The following ZNF300 variants were observed in gnomAD, a reference collection of about 807,000 sequenced individuals.
ZNF300 encodes zinc finger protein 300.
In ZNF300, 6 loss-of-function variants were observed where a neutral mutation model predicts 13.9. That is an observed-to-expected ratio of 0.43 (90% CI 0.24 to 0.85). The LOEUF is 0.85. Among genes scored for constraint, ZNF300 ranks in the 40% least tolerant of loss-of-function variants. The pLI, the probability that ZNF300 is intolerant of heterozygous loss-of-function variation, is 0.25. For synonymous variants in ZNF300, 237 were observed against 242.2 expected, an observed-to-expected ratio of 0.98 and a Z score of 0.20; for missense variants, 662 against 714.2, an observed-to-expected ratio of 0.93 and a Z score of 0.83.
chr5:150,895,910 C>T lies in ZNF300; in HGVS notation c.1329G>A (p.Glu443=), dbSNP rs1384265200. 2 of 1,613,250 alleles carry T rather than the reference C, an allele frequency of 1.2e-6. No homozygotes were observed. The highest frequency in any genetic ancestry group is 4.5e-5 in the East Asian group (2 of 44,800). ...GTTCTGTCTTCCTGCTGAAGGCTTC[C>T]TCACATTGAGCACATTTGTAGGGTT... ...GEKPYKCAQC[E]EAFSRKTELI... is the part of the protein sequence containing the mutation. The change falls in exon 6 of 6, where the codon GAG becomes GAA. Residue 443 remains glutamate (E), a synonymous_variant. Coordinates refer to ENST00000274599, the MANE Select transcript of ZNF300 (RefSeq NM_052860.4).
Position 150,896,573 on chromosome 5 carries a change from A to G in ZNF300, c.666T>C (p.Ser222=). 1 of 1,613,764 alleles carries G rather than the reference A, an allele frequency of 6.2e-7. No homozygotes were observed. The highest frequency in any genetic ancestry group is 8.5e-7 in the Non-Finnish European group (1 of 1,179,844). The change falls in exon 6 of 6, where the codon TCT becomes TCC. Residue 222 remains serine, a synonymous_variant. Coordinates refer to ENST00000274599, the MANE Select transcript of ZNF300 (RefSeq NM_052860.4). The part of the protein sequence containing the change: ...PDQSFGGGKS[S]SQSEPNSNLE... ...GATTAGAATTGGGCTCACTCTGGCT[A>G]GATGATTTTCCACCTCCAAAACTCT...
chr5:150,895,457 T>C lies in ZNF300; in HGVS notation c.1782A>G (p.Val594=). ...TTACCACTGTGTGAATTCTCTGGTG[T>C]ACAGTTAGTTGTGACTTCTGGATGA... ...KAFIQKSQLT[V]HQRIHTVVKS The change falls in exon 6 of 6, where the codon GTA becomes GTG. Residue 594 remains valine, a synonymous_variant. Coordinates refer to ENST00000274599, the MANE Select transcript of ZNF300 (RefSeq NM_052860.4). 1 of 1,611,318 alleles carries C rather than the reference T, an allele frequency of 6.2e-7. No homozygotes were observed. Among genetic ancestry groups the C allele is most frequent in the Non-Finnish European group, 8.5e-7 (1 of 1,178,288 alleles).
chr5:150,896,421 G>T lies in ZNF300; in HGVS notation c.818C>A (p.Thr273Lys), dbSNP rs1043351906. 6.2e-7 allele frequency: 1 copy of T among 1,613,598 alleles called. No homozygotes were observed. ...CTTCTTAGCAAAGGCTTTTCCACATGTAACACATACACAGCTTTTCTCTTT... is the reference window on the plus strand; with the variant it reads ...CTTCTTAGCAAAGGCTTTTCCACATTTAACACATACACAGCTTTTCTCTTT... ...ETKEKSCVCVTCGKAFAKKSQ... is the reference protein window; with the variant it reads ...ETKEKSCVCVKCGKAFAKKSQ... The change falls in exon 6 of 6, where the codon ACA becomes AAA. Residue 273 changes from threonine (T) to lysine (K), a missense_variant. Coordinates refer to ENST00000274599, the MANE Select transcript of ZNF300 (RefSeq NM_052860.4).
At chr5:150,901,524 A>C (rs1754995047) in intron 3 of ZNF300, among the ~76,000 whole-genome samples, 1 of 152,116 alleles carries the variant, frequency 6.6e-6, no homozygotes, top group Non-Finnish European at 1.5e-5. Context: ...GAAATCCAAA[A>C]ACAAAAACAA....
rs1480812837 is a variant in ZNF300 at position 150,896,135 on chromosome 5, G to A, written c.1104C>T (p.Leu368=). The A allele has an allele frequency of 9.3e-6, 15 of 1,613,120 alleles. No individual in the cohort carries two copies. Among genetic ancestry groups the A allele is most frequent in the Non-Finnish European group, 1.3e-5 (15 of 1,179,688 alleles). ...CAGTATGTATTCTCTGATGTATAAT[G>A]AGGGGTGATTTCTGGGAGAAGGCTT... ...CGKAFSQKSP[L]IIHQRIHTGE... The change falls in exon 6 of 6, where the codon CTC becomes CTT. Residue 368 remains leucine (L), a synonymous_variant. Coordinates refer to ENST00000274599, the MANE Select transcript of ZNF300 (RefSeq NM_052860.4).
intron 1 of ZNF300, among the ~76,000 whole-genome samples, 181 bp downstream of exon 1, chr5:150,904,523 A>C (rs76311153): frequency 0.039 from 5,999 of 152,154 alleles, 183 homozygotes; most frequent in East Asian, 0.16. Context: ...TCCACCTGCA[A>C]GCCATTCCTG....
At chr5:150,902,597 C>T (rs144849876) in intron 3 of ZNF300, among the ~76,000 whole-genome samples, 45 of 152,318 alleles carry the variant, frequency 3.0e-4, no homozygotes, top group African/African-American at 1.1e-3. Context: ...AACAGCATGG[C>T]TGTGCTCCAT....
At position 150,896,101 on chromosome 5, in the gene ZNF300, G is replaced by A; in HGVS notation, c.1138C>T (p.Pro380Ser). Reference protein sequence around the residue: ...IHQRIHTGEKPYECRECGKAF... With the variant: ...IHQRIHTGEKSYECRECGKAF... ...TTCCCACACTCTCTACATTCATAGG[G>A]TTTTTCCCCAGTATGTATTCTCTGA... is the stretch of plus-strand genomic sequence containing the variant. Residue 380 changes from proline to serine, a missense_variant, in exon 6 of 6, where the codon CCC becomes TCC. Pro to Ser is a moderately conservative substitution (Grantham distance 74). Coordinates refer to ENST00000274599, the MANE Select transcript of ZNF300 (RefSeq NM_052860.4). The A allele has an allele frequency of 6.2e-7, 1 of 1,613,452 alleles. No individual in the cohort carries two copies. The highest frequency in any genetic ancestry group is 2.2e-5 in the East Asian group (1 of 44,844).
chr5:150,895,994 C>G lies in ZNF300; in HGVS notation c.1245G>C (p.Gly415=). The change falls in exon 6 of 6, where the codon GGG becomes GGC. Residue 415 remains glycine, a synonymous_variant. Transcript: ENST00000274599. ...GEKPYECTEC[G]KAFCEKSHLI... is the part of the protein sequence containing the mutation. ...GGTGGGACTTCTCACAGAAGGCTTTCCCACATTCGGTACACTCATACGGCT... is the reference window on the plus strand; with the variant it reads ...GGTGGGACTTCTCACAGAAGGCTTTGCCACATTCGGTACACTCATACGGCT... 1 of 1,613,340 alleles carries G rather than the reference C, an allele frequency of 6.2e-7. No homozygotes were observed. The highest frequency in any genetic ancestry group is 8.5e-7 in the Non-Finnish European group (1 of 1,179,722).
intron 2 of ZNF300, chr5:150,903,432 A>T: frequency 1.5e-6 from 2 of 1,343,466 alleles, no homozygotes; most frequent in South Asian, 2.5e-5. Flanking sequence ...AATTGGATAG[A>T]TGTGAAGATA....
intron 3 of ZNF300, 59 bp from the exon 4 acceptor site, chr5:150,898,613 T>C: frequency 6.6e-7 from 1 of 1,507,334 alleles, no homozygotes; most frequent in Non-Finnish European, 8.9e-7. Context: ...TCTGCTATAA[T>C]GTGCACAACT....
At position 150,896,087 on chromosome 5, in the gene ZNF300, T is replaced by C; in HGVS notation, c.1152A>G (p.Arg384=). 6.2e-7 allele frequency: 1 copy of C among 1,613,406 alleles called. No homozygotes were observed. Among genetic ancestry groups the C allele is most frequent in the Non-Finnish European group, 8.5e-7 (1 of 1,179,730 alleles). Residue 384 remains arginine (R), a synonymous_variant, in exon 6 of 6, where the codon AGA becomes AGG. Coordinates refer to ENST00000274599, the MANE Select transcript of ZNF300 (RefSeq NM_052860.4). ...TCTGGGAAAAGGCCTTCCCACACTC[T>C]CTACATTCATAGGGTTTTTCCCCAG... The part of the protein sequence containing the change: ...IHTGEKPYEC[R]ECGKAFSQKS...
Position 150,895,684 on chromosome 5 carries a change from T to G in ZNF300, c.1555A>C (p.Lys519Gln). 1.2e-6 allele frequency: 2 copies of G among 1,613,528 alleles called. No homozygotes were observed. Among genetic ancestry groups the G allele is most frequent in the Non-Finnish European group, 8.5e-7 (1 of 1,179,794 alleles). Residue 519 changes from lysine to glutamine, a missense_variant, in exon 6 of 6, where the codon AAA becomes CAA. Transcript: ENST00000274599. ...IGHQRIHTGE[K>Q]PYICTECGKA... ...CCACATTCAGTACATATATAAGGTT[T>G]TTCTCCTGTGTGAATTCTCTGATGT... is the stretch of plus-strand genomic sequence containing the variant.
At position 150,898,088 on chromosome 5, in the gene ZNF300, T is replaced by A; in HGVS notation, c.239A>T (p.Asp80Val). Residue 80 changes from aspartate (D) to valine (V), a missense_variant, in exon 5 of 6, where the codon GAT (aspartate) becomes GTT (valine). Asp to Val is a radical substitution (Grantham distance 152). Transcript: ENST00000274599. ...TTGTCTCCCATCTGCCTGATATTCATCTGGATAGATCCAATTTGATATGTC... is the reference window on the plus strand; with the variant it reads ...TTGTCTCCCATCTGCCTGATATTCAACTGGATAGATCCAATTTGATATGTC... ...KGDISNWIYP[D>V]EYQADGRQDR... 1 of 1,613,258 alleles carries A rather than the reference T, an allele frequency of 6.2e-7. No homozygotes were observed. Among genetic ancestry groups the A allele is most frequent in the Non-Finnish European group, 8.5e-7 (1 of 1,179,640 alleles).
chr5:150,902,231 C>T (rs980101871), intron 3 of ZNF300, among the ~76,000 whole-genome samples: 3 of 152,058 alleles, frequency 2.0e-5, no homozygotes, highest in Non-Finnish European at 2.9e-5. Flanking sequence ...AAGGAACAGC[C>T]TTGAACTTGA....
intron 2 of ZNF300, 196 bp from the exon 3 acceptor site, chr5:150,903,378 T>C: frequency 6.5e-7 from 1 of 1,542,400 alleles, no homozygotes; most frequent in Non-Finnish European, 8.7e-7. Flanking sequence ...TTTACTCCTC[T>C]TGTACCTATA....
At chr5:150,902,519 C>T (rs1361264053) in intron 3 of ZNF300, among the ~76,000 whole-genome samples, 2 of 152,176 alleles carry the variant, frequency 1.3e-5, no homozygotes, top group Non-Finnish European at 2.9e-5. Context: ...GCAGGCCATA[C>T]GGTTTCTGTT....
At position 150,896,908 on chromosome 5, in the gene ZNF300, T is replaced by A; in HGVS notation, c.331A>T (p.Ile111Leu). The change falls in exon 6 of 6, where the codon ATA becomes TTA. Residue 111 changes from isoleucine (I) to leucine (L), a missense_variant. Coordinates refer to ENST00000274599, the MANE Select transcript of ZNF300 (RefSeq NM_052860.4). ...ILGTVSFHHK[I>L]LKGVTRDGSL... is the part of the protein sequence containing the mutation. The stretch of plus-strand genomic sequence containing the variant: ...CCATCCCTTGTGACTCCTTTCAGTA[T>A]CTTATGATGGAAGGAAACTGTCCCC... 1 of 1,613,492 alleles carries A rather than the reference T, an allele frequency of 6.2e-7. No individual in the cohort carries two copies. The highest frequency in any genetic ancestry group is 8.5e-7 in the Non-Finnish European group (1 of 1,179,688).
At chr5:150,897,581 T>C (rs975528995) in intron 5 of ZNF300, 8 of 159,132 alleles carry the variant, frequency 5.0e-5, no homozygotes, top group Non-Finnish European at 9.6e-5. Flanking sequence ...TTTGTTCATA[T>C]ACTCTCTCTC....
Sources: allele counts gnomAD v4.1 joint callset (sites outside exome capture counted in the v4.1 genomes callset), GRCh38; gene constraint gnomAD v4.1.1; transcripts MANE v1.5; gene names NCBI Gene and HGNC (gene_info 2026-07-23, HGNC 2026-07-21).